CCSER2: variants seen among roughly 807,000 people sequenced by gnomAD.
CCSER2 encodes serine-rich coiled-coil domain-containing protein 2.
Under a neutral mutation model 92.3 loss-of-function variants are expected in CCSER2, and 46 were observed. The ratio of observed to expected loss-of-function variants is 0.50; its 90% CI spans 0.39 to 0.64. The LOEUF (loss-of-function observed/expected upper bound fraction) is 0.64. CCSER2 is among the 30% of genes least tolerant of loss of function. The pLI is 0.00. For missense variants in CCSER2, 1,244 were observed against 1,238.9 expected, an observed-to-expected ratio of 1.00 and a Z score of -0.06; for synonymous variants, 433 against 431.4, an observed-to-expected ratio of 1.00 and a Z score of -0.04.
At chr10:84,423,575 A>G (rs1476860600) in intron 4 of CCSER2, among the ~76,000 whole-genome samples, 1 of 152,140 alleles carries the variant, frequency 6.6e-6, no homozygotes, top group Non-Finnish European at 1.5e-5. Context: ...TGTGTGGACT[A>G]CTGTGTGGAT....
chr10:84,343,122 C>T (rs1279992390), intron 1 of CCSER2, among the ~76,000 whole-genome samples: 1 of 152,216 alleles, frequency 6.6e-6, no homozygotes, highest in East Asian at 1.9e-4. Flanking sequence ...GCCCCCTTGG[C>T]CTCCCAAAGT....
At chr10:84,496,371 C>T (rs4485045) in intron 9 of CCSER2, among the ~76,000 whole-genome samples, 54,089 of 151,916 alleles carry the variant, frequency 0.36, 11,515 homozygotes, top group East Asian at 0.5. Flanking sequence ...CAGCAAGCTC[C>T]GCCTCCTGGG....
In CCSER2 at chr10:84,504,653, T is replaced by C. The variant is rs556017614; in HGVS notation, c.2326-8796T>C. Among the ~76,000 whole-genome samples the C allele has an allele frequency of 6.6e-5, 10 of 152,330 alleles. No individual in the cohort carries two copies. The East Asian group carries it at 1.2e-3, about 18-fold the overall frequency. The stretch of plus-strand genomic sequence containing the variant: ...CAAATATTCCTATAGGAAACTCTTA[T>C]GTATATTTTTAAAAATTTAGCCATA... On this transcript the variant is annotated intron_variant, in intron 9 of 9. Transcript: ENST00000372088.
chr10:84,375,041 T>C (rs34168688), intron 3 of CCSER2, among the ~76,000 whole-genome samples: 31,893 of 152,096 alleles, frequency 0.21, 3,611 homozygotes, highest in Admixed American at 0.34. Flanking sequence ...TAAGACCTTA[T>C]ATGCTGTCTT....
At chr10:84,330,044 C>T (rs1345839839) in intron 1 of CCSER2, among the ~76,000 whole-genome samples, 1 of 152,224 alleles carries the variant, frequency 6.6e-6, no homozygotes, top group African/African-American at 2.4e-5. Flanking sequence ...CCGAAAGTCT[C>T]TATTAAGAAT....
chr10:84,370,008 T>C (rs1455579014), intron 1 of CCSER2, among the ~76,000 whole-genome samples: 1 of 152,180 alleles, frequency 6.6e-6, no homozygotes, highest in South Asian at 2.1e-4. Context: ...GCTCTATGTA[T>C]GTACTTTTAT....
rs1848628361 is a variant in CCSER2 at position 84,499,821 on chromosome 10, A to T, written c.2326-13628A>T. 4 of 1,580,216 alleles carry T rather than the reference A, an allele frequency of 2.5e-6. No individual in the cohort carries two copies. In the East Asian group the frequency reaches 9.0e-5, roughly 35 times the overall value. ...AAACAAAGTATGACTTGGTTTCTCTATTTTTTGGTTCCCTTTTTTATTATA... is the reference window on the plus strand; with the variant it reads ...AAACAAAGTATGACTTGGTTTCTCTTTTTTTTGGTTCCCTTTTTTATTATA... On this transcript the variant is annotated intron_variant, in intron 9 of 9. Coordinates refer to ENST00000372088, the MANE Select transcript of CCSER2 (RefSeq NM_001284240.2).
At chr10:84,461,465 C>G (rs976372532) in intron 6 of CCSER2, among the ~76,000 whole-genome samples, 3 of 152,128 alleles carry the variant, frequency 2.0e-5, no homozygotes, top group African/African-American at 7.2e-5. Context: ...TGTTCCTGAG[C>G]AGGCTCTGTC....
intron 6 of CCSER2, chr10:84,455,964 C>T (rs1270316023): frequency 3.1e-6 from 2 of 635,212 alleles, no homozygotes; most frequent in East Asian, 3.5e-5. Context: ...GATTTTTTCA[C>T]CTGTAAGGGC....
At chr10:84,377,247 TTGTG>T (rs1846388536) in intron 3 of CCSER2, among the ~76,000 whole-genome samples, 1 of 152,196 alleles carries the variant, frequency 6.6e-6, no homozygotes, top group Non-Finnish European at 1.5e-5. Flanking sequence ...AAAAAACTGT[TTGTG>T]AAGTCTTTTC....
intron 5 of CCSER2, among the ~76,000 whole-genome samples, chr10:84,437,859 C>T (rs1160822230): frequency 6.6e-6 from 1 of 151,662 alleles, no homozygotes; most frequent in African/African-American, 2.4e-5. Flanking sequence ...ATTACAGGCA[C>T]GTGCCACCAT....
At chr10:84,471,731 C>T (rs1353551702) in intron 8 of CCSER2, among the ~76,000 whole-genome samples, 1 of 151,970 alleles carries the variant, frequency 6.6e-6, no homozygotes, top group Non-Finnish European at 1.5e-5. Context: ...ACTTACTGCC[C>T]ATTTTACCTA....
intron 3 of CCSER2, among the ~76,000 whole-genome samples, chr10:84,416,362 A>G (rs1842887036): frequency 6.6e-6 from 1 of 152,070 alleles, no homozygotes; most frequent in Non-Finnish European, 1.5e-5. Flanking sequence ...AGTGCCGCAG[A>G]CTGTAACTGC....
intron 9 of CCSER2, among the ~76,000 whole-genome samples, chr10:84,501,876 T>TATATATACTCATATATATATATATATA (rs1848774490): frequency 1.7e-5 from 2 of 115,852 alleles, no homozygotes; most frequent in African/African-American, 5.6e-5. Context: ...TATATATATA[T>TATATATACTCATATATATATATATATA]GAGTCTTTTC....
At chr10:84,332,800 G>GA (rs1843653935) in intron 1 of CCSER2, among the ~76,000 whole-genome samples, 2 of 151,880 alleles carry the variant, frequency 1.3e-5, no homozygotes, top group African/African-American at 2.4e-5. Flanking sequence ...CTATTTTAAA[G>GA]AAAAAAGATA....
intron 9 of CCSER2, among the ~76,000 whole-genome samples, chr10:84,502,511 A>G (rs975449671): frequency 5.9e-5 from 9 of 151,934 alleles, no homozygotes; most frequent in African/African-American, 2.2e-4. Context: ...AGCTGGGACT[A>G]CAGGCGCCTG....
At chr10:84,408,960 T>A (rs189280672) in intron 3 of CCSER2, among the ~76,000 whole-genome samples, 23 of 152,144 alleles carry the variant, frequency 1.5e-4, no homozygotes, top group African/African-American at 5.5e-4. Flanking sequence ...AAAATAAAAA[T>A]CTCATTTCTT....
At chr10:84,457,145 A>G (rs1426567981) in intron 6 of CCSER2, among the ~76,000 whole-genome samples, 1 of 140,126 alleles carries the variant, frequency 7.1e-6, no homozygotes, top group African/African-American at 2.6e-5. Flanking sequence ...TGAGTTACGC[A>G]TTATGCTCGG....
intron 8 of CCSER2, chr10:84,472,940 C>A (rs1327418108): frequency 6.6e-6 from 1 of 152,164 alleles, no homozygotes; most frequent in African/African-American, 2.4e-5. Flanking sequence ...AACTAAAAGT[C>A]AGTCTAGGAC....
Sources: gnomAD v4.1 joint callset for allele counts (sites outside exome capture counted in the v4.1 genomes callset) on GRCh38, gnomAD v4.1.1 for gene constraint, MANE v1.5 for transcripts, NCBI Gene and HGNC (gene_info 2026-07-23, HGNC 2026-07-21) for gene names.